Variants in ZNF800 observed in about 807,000 individuals in gnomAD.
The protein encoded by ZNF800 is zinc finger protein 800.
In ZNF800, 13 loss-of-function variants were observed where a neutral mutation model predicts 59.5. The observed-to-expected ratio is 0.22, with a 90% confidence interval of 0.14 to 0.35. The LOEUF (loss-of-function observed/expected upper bound fraction) is 0.35. Among genes scored for constraint, ZNF800 ranks in the 10% least tolerant of loss-of-function variants. The pLI is 1.00. For missense variants in ZNF800, 621 were observed against 783.7 expected (o/e 0.79, Z 2.48); for synonymous variants, 266 against 265.7 (o/e 1.00, Z -0.01).
chr7:127,373,582 CTA>C lies in ZNF800; in HGVS notation c.1752_1753del (p.His584GlnfsTer2). The C allele has an allele frequency of 3.1e-6, 5 of 1,614,124 alleles. No individual in the cohort carries two copies. The highest frequency in any genetic ancestry group is 4.2e-6 in the Non-Finnish European group (5 of 1,180,012). On this transcript the variant is annotated frameshift_variant, in exon 5 of 6. Transcript: ENST00000265827. LOFTEE classifies it high-confidence loss of function. Reference sequence around the variant, plus strand: ...AGAAGTGCCATCATGTTTTGAATCACTATGTTTTGCTTCATCCCTCGAAGGGC... The same window carrying C: ...AGAAGTGCCATCATGTTTTGAATCACTGTTTTGCTTCATCCCTCGAAGGGC...
intron 2 of ZNF800, among the ~76,000 whole-genome samples, chr7:127,391,121 T>G (rs978408296): frequency 3.3e-5 from 5 of 152,222 alleles, no homozygotes; most frequent in Non-Finnish European, 7.3e-5. Flanking sequence ...ACTTTTAATT[T>G]TTAAAGTTTC....
At chr7:127,375,950 T>C (rs1480293561) in intron 4 of ZNF800, among the ~76,000 whole-genome samples, 1 of 151,980 alleles carries the variant, frequency 6.6e-6, no homozygotes, top group Non-Finnish European at 1.5e-5. Context: ...GAATGAGTAT[T>C]GCGAAGACAA....
At chr7:127,372,963 G>C in intron 5 of ZNF800, 1 of 985,038 alleles carries the variant, frequency 1.0e-6, no homozygotes, top group Non-Finnish European at 1.2e-6. Flanking sequence ...TCATTAATTA[G>C]TAGACTAAGT....
At chr7:127,352,549 G>A (rs1007709971) in intron 1 of ZNF800, among the ~76,000 whole-genome samples, 3 of 152,200 alleles carry the variant, frequency 2.0e-5, no homozygotes, top group Non-Finnish European at 2.9e-5. Flanking sequence ...GACACTGGTT[G>A]CTGAGAGCTG....
At position 127,374,272 on chromosome 7, in the gene ZNF800, T is replaced by C. The variant is rs560130630; in HGVS notation, c.1064A>G (p.Asn355Ser). The C allele has an allele frequency of 8.8e-5, 142 of 1,613,964 alleles. No homozygotes were observed. In the Middle Eastern group the frequency reaches 1.5e-3, roughly 17 times the overall value. Reference sequence around the variant, plus strand: ...AAGGAGGCATTTGCATGCAGTTAAATTGTATTCAGCCTTTGAAGAAGACTT... The same window carrying C: ...AAGGAGGCATTTGCATGCAGTTAAACTGTATTCAGCCTTTGAAGAAGACTT... ...KQKSSSKAEY[N>S]LTACKCLLCK... The change falls in exon 5 of 6, where the codon AAT (asparagine) becomes AGT (serine). Residue 355 changes from asparagine (N) to serine (S), a missense_variant. Physicochemically the swap from Asn to Ser is conservative, Grantham distance 46. This residue lies in a region of ZNF800 where 185 missense variants were observed against 177.6 expected (regional missense o/e 1.04). Coordinates refer to ENST00000265827, the MANE Select transcript of ZNF800 (RefSeq NM_176814.5).
intron 3 of ZNF800, among the ~76,000 whole-genome samples, chr7:127,383,043 T>G (rs901832179): frequency 2.0e-5 from 3 of 152,222 alleles, no homozygotes; most frequent in Non-Finnish European, 2.9e-5. Context: ...AATAAGAATT[T>G]GTAATTTAAA....
intron 2 of ZNF800, 77 bp downstream of exon 2, chr7:127,391,420 A>G: frequency 3.5e-6 from 5 of 1,415,946 alleles, no homozygotes; most frequent in African/African-American, 1.4e-5. Flanking sequence ...GGGCAGGAGG[A>G]AAAAAAGCTA....
downstream of ZNF800, among the ~76,000 whole-genome samples, chr7:127,365,292 G>A (rs557379128): frequency 7.9e-5 from 12 of 151,980 alleles, no homozygotes; most frequent in Non-Finnish European, 1.8e-4. Flanking sequence ...AAATGAAGAG[G>A]AATCTCACAT....
chr7:127,368,971 G>A (rs1313407189), downstream of ZNF800, among the ~76,000 whole-genome samples: 1 of 151,656 alleles, frequency 6.6e-6, no homozygotes, highest in Non-Finnish European at 1.5e-5. Context: ...AATGGGTAAT[G>A]TGTACACTCT....
Position 127,377,311 on chromosome 7 carries a change from T to A in ZNF800, c.176A>T (p.His59Leu). ...AGTGTCCACATCTTTTAATAAAATA[T>A]GCTTAAGTTGTTTAGTTCCTGAGAG... ...CFRSGTKQLK[H>L]ILLKDVDTIF... The change falls in exon 4 of 6, where the codon CAT (histidine) becomes CTT (leucine). Residue 59 changes from histidine (H) to leucine (L), a missense_variant. Transcript: ENST00000265827. This position sits in a 1 kb window ranked among gnomAD's most constrained non-coding sequence, Gnocchi z 4.7. 1 of 1,606,488 alleles carries A rather than the reference T, an allele frequency of 6.2e-7. No individual in the cohort carries two copies. The highest frequency in any genetic ancestry group is 8.5e-7 in the Non-Finnish European group (1 of 1,175,754).
At chr7:127,351,346 G>C (rs1239158160) in intron 1 of ZNF800, 1 of 152,216 alleles carries the variant, frequency 6.6e-6, no homozygotes, top group Admixed American at 6.5e-5. Flanking sequence ...GACTACTGCA[G>C]CCTGAAATGA....
At chr7:127,387,989 T>C (rs538681855) in intron 2 of ZNF800, among the ~76,000 whole-genome samples, 2 of 151,604 alleles carry the variant, frequency 1.3e-5, no homozygotes, top group East Asian at 3.9e-4. Context: ...CTAACTGCAG[T>C]GATTAAGAAC....
At chr7:127,366,834 G>C (rs1390996337), downstream of ZNF800, among the ~76,000 whole-genome samples, 1 of 152,062 alleles carries the variant, frequency 6.6e-6, no homozygotes, top group Non-Finnish European at 1.5e-5. Context: ...TCTACAGACT[G>C]GCCAGCAACC....
At chr7:127,352,568 C>T (rs1800188007) in intron 1 of ZNF800, among the ~76,000 whole-genome samples, 1 of 152,200 alleles carries the variant, frequency 6.6e-6, no homozygotes, top group African/African-American at 2.4e-5. Flanking sequence ...TGATTCAATG[C>T]TCACCAAGCA....
At position 127,374,374 on chromosome 7, in the gene ZNF800, T is replaced by A. The variant is rs545651907; in HGVS notation, c.962A>T (p.Asp321Val). 2 of 1,613,786 alleles carry A rather than the reference T, an allele frequency of 1.2e-6. No homozygotes were observed. The highest frequency in any genetic ancestry group is 1.7e-6 in the Non-Finnish European group (2 of 1,179,998). Residue 321 changes from aspartate to valine, a missense_variant, in exon 5 of 6, where the codon GAT (aspartate) becomes GTT (valine). This residue lies in a region of ZNF800 where 185 missense variants were observed against 177.6 expected (regional missense o/e 1.04). Coordinates refer to ENST00000265827, the MANE Select transcript of ZNF800 (RefSeq NM_176814.5). Reference protein sequence around the residue: ...RGLRRDSITPDIATKPGQPLF... With the variant: ...RGLRRDSITPVIATKPGQPLF... The stretch of plus-strand genomic sequence containing the variant: ...AGGTTGCCCAGGCTTTGTTGCTATA[T>A]CAGGAGTAATTGAATCCCTCCTTAG...
chr7:127,386,000 T>C, intron 3 of ZNF800, 60 bp downstream of exon 3: 1 of 1,107,130 alleles, frequency 9.0e-7, no homozygotes, highest in Non-Finnish European at 1.3e-6. Flanking sequence ...TTCTAAGGAC[T>C]TCTAGGTAGT....
rs377308019 is a variant in ZNF800, at chr7:127,387,972, A to T, written c.62-1817T>A. Among the ~76,000 whole-genome samples the T allele has an allele frequency of 2.6e-5, 4 of 151,952 alleles. No homozygotes were observed. The East Asian group carries it at 7.7e-4, about 29-fold the overall frequency. ...CACACTCATTTTGAGAATATCTGAC[A>T]TTGGCACTAACTGCAGTGATTAAGA... On this transcript the variant is annotated intron_variant, in intron 2 of 5. Transcript: ENST00000265827.
chr7:127,374,481 T>A lies in ZNF800; in HGVS notation c.855A>T (p.Leu285Phe), dbSNP rs1197981256. The change falls in exon 5 of 6, where the codon TTA becomes TTT. Residue 285 changes from leucine to phenylalanine, a missense_variant. Around this residue, in one of 7 missense-constraint regions of ZNF800, gnomAD observed 218 missense variants for 230.8 expected, o/e 0.94. Coordinates refer to ENST00000265827, the MANE Select transcript of ZNF800 (RefSeq NM_176814.5). ...TACAACATACTGGACAACTCCTACT[T>A]AATGGAACTAGAACATTCTTACTGC... ...KGRSKNVLVPLSRSCPVCCKS... is the reference protein window; with the variant it reads ...KGRSKNVLVPFSRSCPVCCKS... 7 of 1,614,120 alleles carry A rather than the reference T, an allele frequency of 4.3e-6. No individual in the cohort carries two copies. The highest frequency in any genetic ancestry group is 5.1e-6 in the Non-Finnish European group (6 of 1,179,976).
At position 127,377,434 on chromosome 7, in the gene ZNF800, G is replaced by C; in HGVS notation, c.158-105C>G. On this transcript the variant is annotated intron_variant, in intron 3 of 5. Transcript: ENST00000265827. This position sits in a 1 kb window ranked among gnomAD's most constrained non-coding sequence, Gnocchi z 4.7. ...CAGACCAAAAGTGCAGTTACTCTTT[G>C]AAAACAAAATATAGGCATTGCCAAT... The C allele has an allele frequency of 1.1e-6, 1 of 904,196 alleles. No homozygotes were observed. Among genetic ancestry groups the C allele is most frequent in the Non-Finnish European group, 1.6e-6 (1 of 621,986 alleles). 56.0% of individuals were successfully genotyped at this position (904,196 alleles called of 1,614,324 possible).
Sources: gnomAD v4.1 joint callset for allele counts (sites outside exome capture counted in the v4.1 genomes callset) on GRCh38, gnomAD v4.1.1 for gene constraint, gnomAD v4.1.1 regional missense constraint, Gnocchi (gnomAD v3.1) non-coding constraint, MANE v1.5 for transcripts, NCBI Gene and HGNC (gene_info 2026-07-23, HGNC 2026-07-21) for gene names.